Variants in PRIMPOL observed in about 807,000 individuals in gnomAD.
PRIMPOL encodes the protein DNA-directed primase/polymerase protein.
A neutral mutation model predicts 63.6 loss-of-function variants in PRIMPOL; 54 were observed. That is an observed-to-expected ratio of 0.85 (90% CI 0.68 to 1.07). The LOEUF is 1.07. PRIMPOL is among the 50% of genes least tolerant of loss of function. The probability of loss-of-function intolerance (pLI) is 0.00; values close to 1 mark genes in which losing one functional copy is unlikely to be tolerated. For synonymous variants in PRIMPOL, 197 were observed against 220.2 expected (o/e 0.89, Z 0.93); for missense variants, 610 against 648.3 (o/e 0.94, Z 0.64).
intron 13 of PRIMPOL, 96 bp downstream of exon 13, chr4:184,691,808 C>T: frequency 1.2e-6 from 1 of 852,690 alleles, no homozygotes; most frequent in Non-Finnish European, 1.9e-6. Flanking sequence ...CATTGAAACC[C>T]ATTTGCTACC....
intron 8 of PRIMPOL, among the ~76,000 whole-genome samples, chr4:184,678,808 G>A (rs1031063476): frequency 3.3e-5 from 5 of 152,006 alleles, no homozygotes; most frequent in African/African-American, 1.2e-4. Context: ...GATTACAGGT[G>A]TGAGCCACCG....
intron 6 of PRIMPOL, among the ~76,000 whole-genome samples, chr4:184,671,778 T>TA (rs1751719559): frequency 6.9e-6 from 1 of 144,710 alleles, no homozygotes; most frequent in Non-Finnish European, 1.5e-5. Flanking sequence ...AGTCTCACTC[T>TA]GTCACCCAGG....
chr4:184,670,597 G>T (rs1180115246), intron 6 of PRIMPOL, among the ~76,000 whole-genome samples: 1 of 146,584 alleles, frequency 6.8e-6, no homozygotes, highest in Non-Finnish European at 1.5e-5. Flanking sequence ...CACCTAGGCT[G>T]GAGTGCAGTG....
chr4:184,691,865 T>C (rs1758637936), intron 13 of PRIMPOL, among the ~76,000 whole-genome samples, 153 bp downstream of exon 13: 2 of 151,236 alleles, frequency 1.3e-5, no homozygotes, highest in South Asian at 2.1e-4. Context: ...GTAGTGATTT[T>C]CCCATTTCAG....
chr4:184,654,452 A>AGGTTTTTTTTTTT (rs1553985968), intron 2 of PRIMPOL, among the ~76,000 whole-genome samples: 1 of 126,576 alleles, frequency 7.9e-6, no homozygotes, highest in Non-Finnish European at 1.6e-5. Context: ...AAGTTAAAGC[A>AGGTTTTTTTTTTT]GTTTTTTTTT....
intron 9 of PRIMPOL, among the ~76,000 whole-genome samples, chr4:184,683,422 CAA>C (rs56794700): frequency 0.12 from 15,016 of 122,648 alleles, 881 homozygotes; most frequent in Middle Eastern, 0.2. Flanking sequence ...GACTCCATCT[CAA>C]AAAAAAAAAA....
Position 184,691,589 on chromosome 4 carries a change from A to G in PRIMPOL, c.1378+8A>G, listed in dbSNP as rs760830234. 6.2e-7 allele frequency: 1 copy of G among 1,601,398 alleles called. No individual in the cohort carries two copies. The highest frequency in any genetic ancestry group is 2.2e-5 in the East Asian group (1 of 44,750). On this transcript the variant is annotated splice_region_variant and intron_variant, in intron 12 of 13. Coordinates refer to ENST00000314970, the MANE Select transcript of PRIMPOL (RefSeq NM_152683.4). ...AAAACTTCAAATCTGACTGTAAGTT[A>G]CTAATTTTTACATTTACCACAAAGT...
intron 3 of PRIMPOL, among the ~76,000 whole-genome samples, chr4:184,658,253 T>C (rs1747160523): frequency 6.6e-6 from 1 of 152,076 alleles, no homozygotes; most frequent in South Asian, 2.1e-4. Context: ...TCAAATCTCA[T>C]GAGAATGGTT....
chr4:184,660,821 T>C (rs1748125783), intron 4 of PRIMPOL, among the ~76,000 whole-genome samples: 1 of 152,220 alleles, frequency 6.6e-6, no homozygotes, highest in Admixed American at 6.5e-5. Context: ...CTTTTCCCTC[T>C]TCAAATTACT....
intron 5 of PRIMPOL, 130 bp from the exon 6 acceptor site, chr4:184,665,787 G>A (rs530199647): frequency 2.3e-5 from 12 of 531,232 alleles, no homozygotes; most frequent in African/African-American, 1.8e-4. Flanking sequence ...TTACAGGCAT[G>A]AGCCACCACG....
chr4:184,674,040 T>C (rs1752647780), intron 7 of PRIMPOL, among the ~76,000 whole-genome samples: 1 of 152,132 alleles, frequency 6.6e-6, no homozygotes, highest in South Asian at 2.1e-4. Context: ...GGAGAGTGCG[T>C]AACAGGAAGT....
chr4:184,691,648 G>A lies in PRIMPOL; in HGVS notation c.1379-18G>A. 1 of 1,609,244 alleles carries A rather than the reference G, an allele frequency of 6.2e-7. No individual in the cohort carries two copies. Among genetic ancestry groups the A allele is most frequent in the Non-Finnish European group, 8.5e-7 (1 of 1,176,062 alleles). On this transcript the variant is annotated intron_variant, in intron 12 of 13. Coordinates refer to ENST00000314970, the MANE Select transcript of PRIMPOL (RefSeq NM_152683.4). ...GATAACTGTAATATGTAATAGTTTT[G>A]CTATCTTTCTGATTCAGGTTTCCCA...
In PRIMPOL at chr4:184,657,189, T is replaced by A; in HGVS notation, c.49T>A (p.Ser17Thr). 1 of 1,611,588 alleles carries A rather than the reference T, an allele frequency of 6.2e-7. No individual in the cohort carries two copies. ...ACTGAAGCAAATTGAAGAACGAGCATCTCATTATGAGAGGAAACCGTTGTC... is the reference window on the plus strand; with the variant it reads ...ACTGAAGCAAATTGAAGAACGAGCAACTCATTATGAGAGGAAACCGTTGTC... The part of the protein sequence containing the change: ...AKLKQIEERA[S>T]HYERKPLSSV... Residue 17 changes from serine to threonine, a missense_variant, in exon 3 of 14, where the codon TCT becomes ACT. By Grantham distance (58) the Ser-to-Thr change is moderately conservative (BLOSUM62 1). Around this residue, in one of 3 missense-constraint regions of PRIMPOL, gnomAD observed 159 missense variants for 168.9 expected, o/e 0.94. Coordinates refer to ENST00000314970, the MANE Select transcript of PRIMPOL (RefSeq NM_152683.4).
chr4:184,651,625 T>G (rs1028998965), intron 1 of PRIMPOL, among the ~76,000 whole-genome samples: 3 of 152,206 alleles, frequency 2.0e-5, no homozygotes, highest in Non-Finnish European at 2.9e-5. Flanking sequence ...TGGTTTCCTG[T>G]AAATCATACT....
At chr4:184,686,819 A>T (rs1442212271) in intron 11 of PRIMPOL, among the ~76,000 whole-genome samples, 1 of 152,102 alleles carries the variant, frequency 6.6e-6, no homozygotes, top group Non-Finnish European at 1.5e-5. Context: ...AATTCAGTTT[A>T]AAAAAAGCTT....
Position 184,694,701 on chromosome 4 carries a change from A to G in PRIMPOL, c.1605A>G (p.Ala535=). The G allele has an allele frequency of 2.5e-6, 4 of 1,613,888 alleles. No individual in the cohort carries two copies. The highest frequency in any genetic ancestry group is 1.7e-4 in the Middle Eastern group (1 of 6,060). Residue 535 remains alanine, a synonymous_variant, in exon 14 of 14, where the codon GCA becomes GCG. Transcript: ENST00000314970. ...ATEDAELAEA[A]ENSLLSYNSE... ...AAGATGCTGAATTAGCTGAAGCTGC[A>G]GAGAACAGTCTTCTCAGTTATAACA...
intron 4 of PRIMPOL, among the ~76,000 whole-genome samples, chr4:184,660,378 A>G (rs1273355879): frequency 6.6e-6 from 1 of 151,638 alleles, no homozygotes; most frequent in African/African-American, 2.4e-5. Context: ...ACGGGATTTC[A>G]TTATATTGGT....
chr4:184,652,470 T>C (rs536375923), intron 2 of PRIMPOL, among the ~76,000 whole-genome samples: 1 of 151,720 alleles, frequency 6.6e-6, no homozygotes, highest in African/African-American at 2.4e-5. Context: ...TTTGGGGAAA[T>C]TTAAATATGA....
chr4:184,688,038 A>G (rs963975411), intron 11 of PRIMPOL, among the ~76,000 whole-genome samples: 3 of 152,158 alleles, frequency 2.0e-5, no homozygotes, highest in Non-Finnish European at 2.9e-5. Context: ...TTGTGTCACT[A>G]TTGTGCAGCA....
Sources: gnomAD v4.1 joint callset for allele counts (sites outside exome capture counted in the v4.1 genomes callset) on GRCh38, gnomAD v4.1.1 for gene constraint, gnomAD v4.1.1 regional missense constraint, MANE v1.5 for transcripts, NCBI Gene and HGNC (gene_info 2026-07-23, HGNC 2026-07-21) for gene names.